SUN1: variants seen among roughly 807,000 people sequenced by gnomAD.
SUN1 encodes SUN domain-containing protein 1.
Under a neutral mutation model 103.2 loss-of-function variants are expected in SUN1, and 61 were observed. The ratio of observed to expected loss-of-function variants is 0.59; its 90% CI spans 0.48 to 0.73. The LOEUF is 0.73. Ranked by LOEUF, SUN1 falls within the 30% of genes least tolerant of loss-of-function variation. The pLI, the probability that SUN1 is intolerant of heterozygous loss-of-function variation, is 0.00. For synonymous variants in SUN1, 490 were observed against 425.7 expected (o/e 1.15, Z -1.86); for missense variants, 1,052 against 1,034.6 (o/e 1.02, Z -0.23).
At chr7:855,892 G>C (rs970583173) in intron 11 of SUN1, among the ~76,000 whole-genome samples, 1 of 152,156 alleles carries the variant, frequency 6.6e-6, no homozygotes, top group Non-Finnish European at 1.5e-5. Flanking sequence ...AGGTCTGTGG[G>C]GCGCCTCCTC....
chr7:861,473 A>G lies in SUN1; in HGVS notation c.1864+9A>G. 6.2e-7 allele frequency: 1 copy of G among 1,613,704 alleles called. No homozygotes were observed. Among genetic ancestry groups the G allele is most frequent in the Non-Finnish European group, 8.5e-7 (1 of 1,179,606 alleles). On this transcript the variant is annotated intron_variant, in intron 15 of 18. Coordinates refer to ENST00000401592, the MANE Select transcript of SUN1 (RefSeq NM_001130965.3). ...TGCTCTGGAATCTGGTGGTGAGTAA[A>G]TAGACGTTCTGATTACTAAGTTAGA...
rs376367683 is a variant in SUN1, at chr7:851,519, G to C, written c.757+37G>C. Reference sequence around the variant, plus strand: ...GGGTTTCTGTGTTGCGTTCTCTCCAGAGCTTCTGGCAGCTAAGCACCTGCA... The same window carrying C: ...GGGTTTCTGTGTTGCGTTCTCTCCACAGCTTCTGGCAGCTAAGCACCTGCA... On this transcript the variant is annotated intron_variant, in intron 6 of 18. Coordinates refer to ENST00000401592, the MANE Select transcript of SUN1 (RefSeq NM_001130965.3). The C allele has an allele frequency of 1.9e-5, 29 of 1,544,056 alleles. No homozygotes were observed. In the African/African-American group the frequency reaches 4.0e-4, roughly 21 times the overall value.
chr7:823,165 T>C (rs2128152168), intron 1 of SUN1, among the ~76,000 whole-genome samples: 1 of 152,332 alleles, frequency 6.6e-6, no homozygotes, highest in Non-Finnish European at 1.5e-5. Context: ...CGTGCAGCGT[T>C]CACTTGTTCT....
chr7:860,194 G>A lies in SUN1; in HGVS notation c.1591G>A (p.Glu531Lys), dbSNP rs200847401. 2.5e-6 allele frequency: 4 copies of A among 1,614,226 alleles called. No homozygotes were observed. In the East Asian group the frequency reaches 8.9e-5, roughly 36 times the overall value. Residue 531 changes from glutamate to lysine, a missense_variant, in exon 14 of 19, where the codon GAA becomes AAA. Coordinates refer to ENST00000401592, the MANE Select transcript of SUN1 (RefSeq NM_001130965.3). ...FSEDQQGGSLEQLLQRFSSQF... is the reference protein window; with the variant it reads ...FSEDQQGGSLKQLLQRFSSQF... ...CGAAGATCAGCAAGGCGGTTCTCTG[G>A]AACAGCTGCTGCAGAGGTTCTCATC... is the stretch of plus-strand genomic sequence containing the variant.
intron 5 of SUN1, among the ~76,000 whole-genome samples, chr7:845,357 G>A (rs1814461159): frequency 6.6e-6 from 1 of 152,210 alleles, no homozygotes; most frequent in South Asian, 2.1e-4. Flanking sequence ...GAGAAAACAA[G>A]CCCCATCCTT....
upstream of SUN1, among the ~76,000 whole-genome samples, chr7:830,033 G>A (rs529069516): frequency 3.3e-5 from 5 of 152,292 alleles, no homozygotes; most frequent in African/African-American, 1.2e-4. Context: ...ATTTCGTAAA[G>A]GACTAAGGAT....
chr7:842,964 T>C (rs1316486913), intron 3 of SUN1: 3 of 622,346 alleles, frequency 4.8e-6, no homozygotes, highest in Non-Finnish European at 8.6e-6. Context: ...CTTTCCTCCT[T>C]AGGCCAGGTG....
In SUN1 at chr7:832,593, T is replaced by C. The variant is rs373597219; in HGVS notation, c.69T>C (p.Tyr23=). Residue 23 remains tyrosine, a synonymous_variant, in exon 1 of 19, where the codon TAT becomes TAC. Coordinates refer to ENST00000401592, the MANE Select transcript of SUN1 (RefSeq NM_001130965.3). The part of the protein sequence containing the change: ...QCVPENTGYT[Y]ALSSSYSSDA... ...TGCCGGAGAACACGGGCTACACGTA[T>C]GCGCTCAGGTGAGTGTGCACCTGCA... The C allele has an allele frequency of 1.8e-4, 286 of 1,611,324 alleles. No individual in the cohort carries two copies. Among genetic ancestry groups the C allele is most frequent in the Non-Finnish European group, 2.3e-4 (274 of 1,178,760 alleles).
intron 12 of SUN1, 134 bp from the exon 13 acceptor site, chr7:857,694 G>T: frequency 7.7e-6 from 9 of 1,167,398 alleles, no homozygotes; most frequent in African/African-American, 1.5e-5. Context: ...TTCCACGTTA[G>T]TGTGGCACAG....
chr7:830,856 T>A (rs1240225000), upstream of SUN1: 1 of 755,614 alleles, frequency 1.3e-6, no homozygotes, highest in Non-Finnish European at 1.6e-6. Context: ...CAGCTTTGGG[T>A]TGTTGCTCGG....
At chr7:872,727 A>G (rs1038652521) in intron 18 of SUN1, among the ~76,000 whole-genome samples, 165 bp downstream of exon 18, 2 of 152,210 alleles carry the variant, frequency 1.3e-5, no homozygotes, top group African/African-American at 2.4e-5. Context: ...TTCCATGGCT[A>G]ATAGCGTTCT....
In SUN1 at chr7:839,146, T is replaced by A. The variant is rs1161705578; in HGVS notation, c.266+160T>A. The A allele has an allele frequency of 9.6e-6, 6 of 624,352 alleles. No individual in the cohort carries two copies. In the East Asian group the frequency reaches 1.9e-4, roughly 20 times the overall value. The allele number at this position is 624,352 out of a possible 1,614,324, so 38.7% of individuals were successfully genotyped here. On this transcript the variant is annotated intron_variant, in intron 2 of 18. Transcript: ENST00000401592. ...ACAAACCTGTCATATAAAGTGGTAG[T>A]TTGCTGCAAATAAAGACTGAAAGGA... is the stretch of plus-strand genomic sequence containing the variant.
intron 11 of SUN1, among the ~76,000 whole-genome samples, chr7:855,530 C>G (rs1826318159): frequency 1.3e-5 from 2 of 152,208 alleles, no homozygotes; most frequent in African/African-American, 4.8e-5. Flanking sequence ...GTGCTTGACA[C>G]AGAGCCTGGC....
intron 1 of SUN1, among the ~76,000 whole-genome samples, chr7:819,976 T>A (rs759689537): frequency 1.3e-5 from 2 of 152,142 alleles, no homozygotes; most frequent in Non-Finnish European, 2.9e-5. Context: ...AGTGCCATAC[T>A]ATTTTGTAGT....
chr7:824,077 G>A (rs1203715701), intron 1 of SUN1, among the ~76,000 whole-genome samples: 4 of 152,186 alleles, frequency 2.6e-5, no homozygotes, highest in Non-Finnish European at 5.9e-5. Flanking sequence ...GGAAAGACCA[G>A]ACATGGTGTG....
intron 1 of SUN1, among the ~76,000 whole-genome samples, chr7:838,431 G>T (rs190563950): frequency 4.4e-4 from 67 of 152,276 alleles, no homozygotes; most frequent in African/African-American, 1.6e-3. Flanking sequence ...TAAATCTCAC[G>T]TCCGCGTAGT....
chr7:828,456 G>C (rs1794897715), upstream of SUN1, among the ~76,000 whole-genome samples: 2 of 151,920 alleles, frequency 1.3e-5, no homozygotes, highest in South Asian at 4.2e-4. Context: ...ATATTTAGTA[G>C]AGACGGGGTT....
chr7:857,812 C>T lies in SUN1; in HGVS notation c.1395-16C>T, dbSNP rs760317909. 6.4e-6 allele frequency: 10 copies of T among 1,565,990 alleles called. No individual in the cohort carries two copies. Among genetic ancestry groups the T allele is most frequent in the Non-Finnish European group, 7.8e-6 (9 of 1,149,302 alleles). ...GGGAGGCTTGTGTGTGACCCATTCT[C>T]ACTGTTGGATTCCAGTGCGGTTGGT... On this transcript the variant is annotated splice_polypyrimidine_tract_variant and intron_variant, in intron 12 of 18. Coordinates refer to ENST00000401592, the MANE Select transcript of SUN1 (RefSeq NM_001130965.3).
At position 873,373 on chromosome 7, in the gene SUN1, G is replaced by A. The variant is rs768479248; in HGVS notation, c.*42G>A. Reference sequence around the variant, plus strand: ...TTTTGTACATTTTTGTATATACTGGGACAGCGTGAAACACTGGAATCCTTC... The same window carrying A: ...TTTTGTACATTTTTGTATATACTGGAACAGCGTGAAACACTGGAATCCTTC... On this transcript the variant is annotated 3_prime_UTR_variant, in exon 19 of 19. Transcript: ENST00000401592. 3 of 1,546,968 alleles carry A rather than the reference G, an allele frequency of 1.9e-6. No individual in the cohort carries two copies. The highest frequency in any genetic ancestry group is 2.7e-6 in the Non-Finnish European group (3 of 1,119,498).
Sources: gnomAD v4.1 joint callset for allele counts (sites outside exome capture counted in the v4.1 genomes callset) on GRCh38, gnomAD v4.1.1 for gene constraint, MANE v1.5 for transcripts, NCBI Gene and HGNC (gene_info 2026-07-23, HGNC 2026-07-21) for gene names.